Variants in XKR9 observed in about 807,000 individuals in gnomAD.
The protein encoded by XKR9 is XK related 9.
In XKR9, 32 loss-of-function variants were observed where a neutral mutation model predicts 32.0. The ratio of observed to expected loss-of-function variants is 1.00; its 90% confidence interval spans 0.76 to 1.34. The LOEUF (loss-of-function observed/expected upper bound fraction) is 1.34, where lower values mean the gene tolerates loss of function less well. Ranked by LOEUF, XKR9 falls within the 40% of genes most tolerant of loss-of-function variation. XKR9 has a pLI of 0.00. For missense variants in XKR9, 546 were observed against 429.7 expected, an observed-to-expected ratio of 1.27 and a Z score of -2.39; for synonymous variants, 168 against 143.4, an observed-to-expected ratio of 1.17 and a Z score of -1.22.
intron 3 of XKR9, among the ~76,000 whole-genome samples, chr8:70,693,538 G>A (rs528268396): frequency 4.5e-4 from 69 of 152,292 alleles, no homozygotes; most frequent in Admixed American, 8.5e-4. Flanking sequence ...GCAGCTCTGG[G>A]ACAGTCTTAG....
At chr8:70,737,089 C>G (rs1236367104), downstream of XKR9, among the ~76,000 whole-genome samples, 2 of 151,296 alleles carry the variant, frequency 1.3e-5, no homozygotes, top group Non-Finnish European at 3.0e-5. Context: ...ATTGATTCTT[C>G]CTATCCATGA....
downstream of XKR9, among the ~76,000 whole-genome samples, chr8:70,793,270 T>C (rs967438857): frequency 1.3e-5 from 2 of 152,024 alleles, no homozygotes; most frequent in African/African-American, 4.8e-5. Context: ...TAATCCTCAA[T>C]ATGGAAGTAT....
the XKR9 span, among the ~76,000 whole-genome samples, chr8:71,032,281 CAAAAAAAAA>C: frequency 5.5e-5 from 4 of 73,208 alleles, no homozygotes; most frequent in Admixed American, 1.9e-4. Flanking sequence ...GAGACTCTGT[CAAAAAAAAA>C]AAAAAAAAAA....
the XKR9 span, among the ~76,000 whole-genome samples, chr8:70,954,150 C>G: frequency 6.7e-6 from 1 of 149,846 alleles, no homozygotes; most frequent in African/African-American, 2.5e-5. Context: ...TTTTTTTTTT[C>G]TGCAAAAATG....
chr8:70,989,226 G>A, the XKR9 span, among the ~76,000 whole-genome samples: 1 of 152,120 alleles, frequency 6.6e-6, no homozygotes, highest in Non-Finnish European at 1.5e-5. Context: ...CAGACAACAA[G>A]AAGAAAGCAT....
At chr8:70,777,172 G>A (rs1807537322) in intron 2 of XKR9, among the ~76,000 whole-genome samples, 1 of 151,206 alleles carries the variant, frequency 6.6e-6, no homozygotes, top group South Asian at 2.1e-4. Flanking sequence ...TGTTCTCATT[G>A]TTCAACTCCC....
the XKR9 span, among the ~76,000 whole-genome samples, chr8:71,022,080 T>C: frequency 6.6e-6 from 1 of 152,234 alleles, no homozygotes; most frequent in African/African-American, 2.4e-5. Flanking sequence ...GCACAATTTA[T>C]TGAATAGGGA....
At chr8:70,784,602 G>C (rs1323892419) in intron 2 of XKR9, among the ~76,000 whole-genome samples, 1 of 151,788 alleles carries the variant, frequency 6.6e-6, no homozygotes, top group East Asian at 1.9e-4. Context: ...TATTGGTAGA[G>C]TATGTAGGGT....
intron 3 of XKR9, among the ~76,000 whole-genome samples, chr8:70,689,049 G>A (rs1429480883): frequency 6.6e-6 from 1 of 151,892 alleles, no homozygotes; most frequent in African/African-American, 2.4e-5. Context: ...CCAACACACA[G>A]AACAAAAGCA....
intron 2 of XKR9, among the ~76,000 whole-genome samples, chr8:70,762,865 CTTTA>C (rs1322007917): frequency 2.6e-5 from 4 of 152,046 alleles, no homozygotes; most frequent in Non-Finnish European, 4.4e-5. Flanking sequence ...ACTCAATGAG[CTTTA>C]TTTATTTGTG....
the XKR9 span, among the ~76,000 whole-genome samples, chr8:70,881,046 G>T: frequency 1.3e-5 from 2 of 152,184 alleles, no homozygotes; most frequent in South Asian, 2.1e-4. Flanking sequence ...AATAAATGGT[G>T]CTGGGAAAAC....
rs1309383265 is a variant in XKR9, at chr8:70,733,789, T to G, written c.494-7T>G. On this transcript the variant is annotated splice_polypyrimidine_tract_variant and splice_region_variant and intron_variant, in intron 4 of 4. Coordinates refer to ENST00000408926, the MANE Select transcript of XKR9 (RefSeq NM_001011720.2). ...AACAATATATTTTTTATTTTTTTGT[T>G]TTGTAGATGCGGCCATCATGGTCTC... 10 of 1,538,802 alleles carry G rather than the reference T, an allele frequency of 6.5e-6. No individual in the cohort carries two copies. Among genetic ancestry groups the G allele is most frequent in the Non-Finnish European group, 8.7e-6 (10 of 1,149,984 alleles).
chr8:70,984,482 TAA>T, the XKR9 span, among the ~76,000 whole-genome samples: 1 of 152,200 alleles, frequency 6.6e-6, no homozygotes, highest in Non-Finnish European at 1.5e-5. Context: ...TTCTGGGAAA[TAA>T]AGACTCAGTA....
the XKR9 span, among the ~76,000 whole-genome samples, chr8:70,908,411 T>A: frequency 6.6e-6 from 1 of 152,214 alleles, no homozygotes; most frequent in African/African-American, 2.4e-5. Context: ...CAACATTGAC[T>A]ACATAAGAAG....
At chr8:70,832,983 T>TG in the XKR9 span, among the ~76,000 whole-genome samples, 1 of 152,206 alleles carries the variant, frequency 6.6e-6, no homozygotes, top group African/African-American at 2.4e-5. Context: ...AATAAATAAA[T>TG]GAGCGAGTTA....
the XKR9 span, among the ~76,000 whole-genome samples, chr8:71,062,901 C>T: frequency 6.6e-6 from 1 of 152,114 alleles, no homozygotes; most frequent in African/African-American, 2.4e-5. Flanking sequence ...CCATTGATTA[C>T]ACTGCTTCTT....
chr8:70,967,705 G>A, the XKR9 span, among the ~76,000 whole-genome samples: 1 of 152,032 alleles, frequency 6.6e-6, no homozygotes, highest in African/African-American at 2.4e-5. Flanking sequence ...ACTTGGTTTG[G>A]CCGGATGTGA....
intron 3 of XKR9, among the ~76,000 whole-genome samples, chr8:70,695,781 T>G (rs963460149): frequency 2.0e-5 from 3 of 149,552 alleles, no homozygotes; most frequent in African/African-American, 4.9e-5. Context: ...TGAACTAGTT[T>G]ACAGTCCCAG....
intron 1 of XKR9, among the ~76,000 whole-genome samples, chr8:70,672,857 GTCT>G (rs1168661230): frequency 1.3e-5 from 2 of 152,174 alleles, no homozygotes; most frequent in African/African-American, 4.8e-5. Flanking sequence ...CCATTTGTAT[GTCT>G]TCTTTTGAGA....
Sources: gnomAD v4.1 joint callset for allele counts (sites outside exome capture counted in the v4.1 genomes callset) on GRCh38, gnomAD v4.1.1 for gene constraint, MANE v1.5 for transcripts, NCBI Gene and HGNC (gene_info 2026-07-23, HGNC 2026-07-21) for gene names.